DPYSL2: variants seen among roughly 807,000 people sequenced by gnomAD.
The protein encoded by DPYSL2 is dihydropyrimidinase like 2, also known as dihydropyrimidinase-related protein 2.
A neutral mutation model predicts 69.9 loss-of-function variants in DPYSL2; 13 were observed. That is an observed-to-expected ratio of 0.19 (90% CI 0.12 to 0.30). DPYSL2 has a LOEUF of 0.30. Among genes scored for constraint, DPYSL2 ranks in the 10% least tolerant of loss-of-function variants. The pLI is 1.00. For missense variants in DPYSL2, 587 were observed against 918.9 expected, an observed-to-expected ratio of 0.64 and a Z score of 4.67; for synonymous variants, 326 against 359.1, an observed-to-expected ratio of 0.91 and a Z score of 1.04.
intron 1 of DPYSL2, among the ~76,000 whole-genome samples, chr8:26,522,349 T>C (rs1448788898): frequency 2.6e-5 from 4 of 151,894 alleles, no homozygotes; most frequent in African/African-American, 9.7e-5. Context: ...ATGTTTTCAG[T>C]TTTCTTGTGT....
intron 1 of DPYSL2, among the ~76,000 whole-genome samples, chr8:26,576,513 G>T (rs1448582695): frequency 6.6e-6 from 1 of 152,176 alleles, no homozygotes; most frequent in Non-Finnish European, 1.5e-5. Context: ...GGCCTCGGTA[G>T]ATTCCTGAGG....
At chr8:26,539,858 G>A (rs1800650670) in intron 1 of DPYSL2, among the ~76,000 whole-genome samples, 1 of 151,796 alleles carries the variant, frequency 6.6e-6, no homozygotes, top group African/African-American at 2.4e-5. Context: ...GCAGGTGTAG[G>A]TCTTTCCCCA....
chr8:26,604,996 T>A (rs993441107), intron 3 of DPYSL2, among the ~76,000 whole-genome samples: 1 of 152,178 alleles, frequency 6.6e-6, no homozygotes, highest in African/African-American at 2.4e-5. Flanking sequence ...GTTAGCGTGG[T>A]CATCATTTGG....
At chr8:26,596,935 C>T (rs1464588004) in intron 3 of DPYSL2, among the ~76,000 whole-genome samples, 1 of 152,224 alleles carries the variant, frequency 6.6e-6, no homozygotes. Flanking sequence ...AGTTTGCCCT[C>T]AGGTACAGGG....
In DPYSL2 at chr8:26,517,386, T is replaced by C. The variant is rs1442888; in HGVS notation, c.354+2707T>C. ...GTGGCTTGACTCGGCATGTCAGATT[T>C]TGGCGGAGGAAAAGAGCTGGCATAG... On this transcript the variant is annotated intron_variant, in intron 1 of 13. Coordinates refer to ENST00000521913, the MANE Select transcript of DPYSL2 (RefSeq NM_001197293.3). The surrounding 1 kb of genome is among the most constrained non-coding windows in gnomAD (Gnocchi z 4.2). Among the ~76,000 whole-genome samples, 91,229 of 152,130 alleles carry C rather than the reference T, an allele frequency of 0.6. 29,664 individuals carry two copies. Among genetic ancestry groups the C allele is most frequent in the East Asian group, 0.9 (4,661 of 5,176 alleles).
In DPYSL2 at chr8:26,636,768, T is replaced by TCTCA. The variant is rs1222576617; in HGVS notation, c.1126+1872_1126+1875dup. Among the ~76,000 whole-genome samples the TCTCA allele has an allele frequency of 3.3e-5, 5 of 151,816 alleles. No individual in the cohort carries two copies. In the East Asian group the frequency reaches 9.7e-4, roughly 29 times the overall value. On this transcript the variant is annotated intron_variant, in intron 8 of 13. Coordinates refer to ENST00000521913, the MANE Select transcript of DPYSL2 (RefSeq NM_001197293.3). Reference sequence around the variant, plus strand: ...ATTTTATTTTATTTTTGAGATGGAGTCTCACTCTGTCGCCCAGGCAGGCGT... The same window carrying TCTCA: ...ATTTTATTTTATTTTTGAGATGGAGTCTCACTCACTCTGTCGCCCAGGCAGGCGT...
intron 1 of DPYSL2, among the ~76,000 whole-genome samples, chr8:26,530,723 G>A (rs544970680): frequency 2.6e-5 from 4 of 152,326 alleles, no homozygotes; most frequent in African/African-American, 9.6e-5. Flanking sequence ...AGTCACTGGA[G>A]AATGTGGTGT....
chr8:26,621,160 A>G lies in DPYSL2; in HGVS notation c.629-2983A>G, dbSNP rs947675419. 2.0e-5 allele frequency among the ~76,000 whole-genome samples: 3 copies of G among 152,234 alleles called. No homozygotes were observed. The highest frequency in any genetic ancestry group is 4.4e-5 in the Non-Finnish European group (3 of 68,044). On this transcript the variant is annotated intron_variant, in intron 3 of 13. Coordinates refer to ENST00000521913, the MANE Select transcript of DPYSL2 (RefSeq NM_001197293.3). This position sits in a 1 kb window ranked among gnomAD's most constrained non-coding sequence, Gnocchi z 4.9. Reference sequence around the variant, plus strand: ...TGGACTATAGATAAAGAAATAGAATAAGGTATAATATATAGAAAAAAGGCA... The same window carrying G: ...TGGACTATAGATAAAGAAATAGAATGAGGTATAATATATAGAAAAAAGGCA...
intron 1 of DPYSL2, among the ~76,000 whole-genome samples, chr8:26,535,291 A>G (rs1800572696): frequency 6.6e-6 from 1 of 152,166 alleles, no homozygotes; most frequent in Admixed American, 6.5e-5. Context: ...TCACCTCTCA[A>G]AGGCCCTACC....
chr8:26,593,989 C>A lies in DPYSL2; in HGVS notation c.628+10006C>A, dbSNP rs572133843. ...AGGCAGCCATTCACCTCCTTCCCAG[C>A]CCCGCTCCCACAGCTGGGCACGGTT... On this transcript the variant is annotated intron_variant, in intron 3 of 13. Transcript: ENST00000521913. This position sits in a 1 kb window ranked among gnomAD's most constrained non-coding sequence, Gnocchi z 5.7. Among the ~76,000 whole-genome samples the A allele has an allele frequency of 9.2e-5, 14 of 152,312 alleles. 2 individuals carry two copies. In the South Asian group the frequency reaches 2.1e-3, roughly 23 times the overall value.
intron 1 of DPYSL2, among the ~76,000 whole-genome samples, chr8:26,515,556 C>T (rs1474735625): frequency 6.6e-6 from 1 of 152,182 alleles, no homozygotes; most frequent in Non-Finnish European, 1.5e-5. Flanking sequence ...AATTTGGTCA[C>T]GCTTGATTTT....
intron 1 of DPYSL2, among the ~76,000 whole-genome samples, chr8:26,539,447 G>A (rs916665395): frequency 6.6e-6 from 1 of 152,192 alleles, no homozygotes; most frequent in Non-Finnish European, 1.5e-5. Context: ...CATCTAGAAA[G>A]ACTAGATTTT....
chr8:26,621,389 T>C lies in DPYSL2; in HGVS notation c.629-2754T>C, dbSNP rs953850130. Among the ~76,000 whole-genome samples the C allele has an allele frequency of 6.6e-6, 1 of 151,964 alleles. No homozygotes were observed. The highest frequency in any genetic ancestry group is 2.4e-5 in the African/African-American group (1 of 41,352). ...CATAAGTGAGGGTCTGGCAGAGCAG[T>C]GTTGAGGGGAGGGGTCTTTGCCGCA... On this transcript the variant is annotated intron_variant, in intron 3 of 13. Coordinates refer to ENST00000521913, the MANE Select transcript of DPYSL2 (RefSeq NM_001197293.3). The surrounding 1 kb of genome is among the most constrained non-coding windows in gnomAD (Gnocchi z 4.9).
intron 1 of DPYSL2, among the ~76,000 whole-genome samples, chr8:26,551,909 G>T (rs1050868937): frequency 3.9e-5 from 6 of 152,120 alleles, no homozygotes; most frequent in African/African-American, 1.2e-4. Context: ...GAACTCCTGG[G>T]CTCAAGCAAT....
Position 26,580,843 on chromosome 8 carries a change from G to A in DPYSL2, c.355-1126G>A, listed in dbSNP as rs1218529297. Among the ~76,000 whole-genome samples the A allele has an allele frequency of 6.6e-6, 1 of 152,198 alleles. No individual in the cohort carries two copies. Among genetic ancestry groups the A allele is most frequent in the Non-Finnish European group, 1.5e-5 (1 of 68,040 alleles). On this transcript the variant is annotated intron_variant, in intron 1 of 13. Coordinates refer to ENST00000521913, the MANE Select transcript of DPYSL2 (RefSeq NM_001197293.3). The surrounding 1 kb of genome is among the most constrained non-coding windows in gnomAD (Gnocchi z 4.1). ...TAAGCCCATTCTGTATAATACAGGT[G>A]CATATTTACTGAACACTCGATGCCA...
At chr8:26,611,043 T>C (rs1440536729) in intron 3 of DPYSL2, among the ~76,000 whole-genome samples, 2 of 152,194 alleles carry the variant, frequency 1.3e-5, no homozygotes, top group Non-Finnish European at 1.5e-5. Flanking sequence ...AAGTAGGCAC[T>C]GTTGCCATTT....
At chr8:26,595,994 G>T (rs528114485) in intron 3 of DPYSL2, among the ~76,000 whole-genome samples, 1 of 151,900 alleles carries the variant, frequency 6.6e-6, no homozygotes, top group Non-Finnish European at 1.5e-5. Context: ...TATTTATTTA[G>T]TACCTTAGCT....
intron 1 of DPYSL2, among the ~76,000 whole-genome samples, chr8:26,518,252 A>G (rs571597939): frequency 1.3e-5 from 2 of 152,276 alleles, no homozygotes; most frequent in East Asian, 3.9e-4. Context: ...TTTACAGGTC[A>G]TATTGGTTCA....
At position 26,552,361 on chromosome 8, in the gene DPYSL2, G is replaced by A. The variant is rs570939390; in HGVS notation, c.355-29608G>A. On this transcript the variant is annotated intron_variant, in intron 1 of 13. Coordinates refer to ENST00000521913, the MANE Select transcript of DPYSL2 (RefSeq NM_001197293.3). ...CAAAGAAGAGCAAATTAAATTCAAA[G>A]TAAACAGAAGAAAAGAAATAATAAT... 2.7e-4 allele frequency among the ~76,000 whole-genome samples: 41 copies of A among 152,150 alleles called. No homozygotes were observed. In the South Asian group the frequency reaches 3.1e-3, roughly 12 times the overall value.
Sources: gnomAD v4.1 joint callset for allele counts (sites outside exome capture counted in the v4.1 genomes callset) on GRCh38, gnomAD v4.1.1 for gene constraint, Gnocchi (gnomAD v3.1) non-coding constraint, MANE v1.5 for transcripts, NCBI Gene and HGNC (gene_info 2026-07-23, HGNC 2026-07-21) for gene names.